SMARCC1: variants seen among roughly 807,000 people sequenced by gnomAD.
The protein encoded by SMARCC1 is SWI/SNF complex subunit SMARCC1.
In SMARCC1, 43 loss-of-function variants were observed where a neutral mutation model predicts 147.4. That is an observed-to-expected ratio of 0.29 (90% CI 0.23 to 0.38). SMARCC1 has a LOEUF of 0.38. SMARCC1 is among the 10% of genes least tolerant of loss of function. The probability of loss-of-function intolerance (pLI) is 1.00; values close to 1 mark genes in which losing one functional copy is unlikely to be tolerated. For missense variants in SMARCC1, 1,119 were observed against 1,381.1 expected, an observed-to-expected ratio of 0.81 and a Z score of 3.01; for synonymous variants, 495 against 484.4, an observed-to-expected ratio of 1.02 and a Z score of -0.29.
In SMARCC1 at chr3:47,654,741, A is replaced by G. The variant is rs151204224; in HGVS notation, c.2320+6553T>C. Among the ~76,000 whole-genome samples the G allele has an allele frequency of 4.6e-5, 7 of 152,304 alleles. No individual in the cohort carries two copies. In the East Asian group the frequency reaches 1.2e-3, roughly 25 times the overall value. ...GAAACCTGAGGAGGGTCCTGAAATT[A>G]TAACAACCCACTCTGAGGCGAATGA... On this transcript the variant is annotated intron_variant, in intron 21 of 27. Transcript: ENST00000254480.
At position 47,617,554 on chromosome 3, in the gene SMARCC1, C is replaced by T. The variant is rs543862034; in HGVS notation, c.2781+4653G>A. ...ACACTTACTATGTATGTGCTAGACA[C>T]TGTGCCAGGCATATGCCATACTTCT... On this transcript the variant is annotated intron_variant, in intron 25 of 27. Transcript: ENST00000254480. Among the ~76,000 whole-genome samples, 5 of 152,344 alleles carry T rather than the reference C, an allele frequency of 3.3e-5. No homozygotes were observed. In the East Asian group the frequency reaches 5.8e-4, roughly 18 times the overall value.
rs2033577804 is a variant in SMARCC1, at chr3:47,676,634, G to GTGA, written c.1717_1719dup (p.Ser573dup). ...AAAAGTCAACATTAATTTACCTGAG[G>GTGA]TGATCGAAGATGCAGAGGCACAAGC... On this transcript the variant is annotated inframe_insertion, in exon 17 of 28. Transcript: ENST00000254480. 2 of 1,613,426 alleles carry GTGA rather than the reference G, an allele frequency of 1.2e-6. No individual in the cohort carries two copies. Among genetic ancestry groups the GTGA allele is most frequent in the Non-Finnish European group, 8.5e-7 (1 of 1,179,638 alleles).
chr3:47,649,516 T>G (rs993633460), intron 21 of SMARCC1, among the ~76,000 whole-genome samples: 2 of 152,200 alleles, frequency 1.3e-5, no homozygotes, highest in East Asian at 3.8e-4. Context: ...TGGCTCAAGA[T>G]GTACTCATGG....
At chr3:47,748,380 AT>A (rs964376853) in intron 2 of SMARCC1, among the ~76,000 whole-genome samples, 44 of 151,758 alleles carry the variant, frequency 2.9e-4, no homozygotes, top group Non-Finnish European at 4.7e-4. Context: ...CGCCTGGCTA[AT>A]TTTTTTTCTG....
intron 4 of SMARCC1, 56 bp from the exon 5 acceptor site, chr3:47,736,182 T>C (rs1416447662): frequency 2.0e-6 from 2 of 990,986 alleles, no homozygotes; most frequent in Non-Finnish European, 3.1e-6. Flanking sequence ...TAATATCATA[T>C]TATTTATGCA....
At chr3:47,698,599 A>G (rs1033151968) in intron 11 of SMARCC1, among the ~76,000 whole-genome samples, 1 of 152,168 alleles carries the variant, frequency 6.6e-6, no homozygotes, top group Non-Finnish European at 1.5e-5. Context: ...AAAAATTTAC[A>G]CTGTCAGTAA....
At chr3:47,728,867 C>T (rs889586256) in intron 6 of SMARCC1, among the ~76,000 whole-genome samples, 158 bp downstream of exon 6, 6 of 152,148 alleles carry the variant, frequency 3.9e-5, no homozygotes, top group East Asian at 1.9e-4. Context: ...GCTGAGATCG[C>T]GCCACTGCAC....
At chr3:47,754,521 C>T (rs992035220) in intron 2 of SMARCC1, among the ~76,000 whole-genome samples, 60 of 152,026 alleles carry the variant, frequency 3.9e-4, no homozygotes, top group Non-Finnish European at 1.6e-4. Context: ...TCTTTTACAC[C>T]CATTTTACAG....
intron 3 of SMARCC1, among the ~76,000 whole-genome samples, chr3:47,739,185 A>G (rs1473792687): frequency 6.6e-6 from 1 of 152,220 alleles, no homozygotes; most frequent in Admixed American, 6.5e-5. Context: ...GTCTTGAGCA[A>G]TTTGTTAACC....
chr3:47,641,743 A>G (rs1184602905), intron 21 of SMARCC1, among the ~76,000 whole-genome samples: 1 of 152,248 alleles, frequency 6.6e-6, no homozygotes, highest in Non-Finnish European at 1.5e-5. Flanking sequence ...AGCATTTAGG[A>G]TAAAAATGAT....
At chr3:47,641,628 A>G (rs895349215) in intron 21 of SMARCC1, among the ~76,000 whole-genome samples, 1 of 152,258 alleles carries the variant, frequency 6.6e-6, no homozygotes, top group Non-Finnish European at 1.5e-5. Context: ...CTATAAAACT[A>G]CCATATAAAA....
At chr3:47,594,188 T>C (rs977802880) in intron 26 of SMARCC1, among the ~76,000 whole-genome samples, 36 of 148,504 alleles carry the variant, frequency 2.4e-4, no homozygotes, top group African/African-American at 8.9e-4. Context: ...GGAATTAGGG[T>C]AGTCCAGTCT....
chr3:47,609,411 G>A (rs975053832), intron 26 of SMARCC1, among the ~76,000 whole-genome samples: 16 of 152,018 alleles, frequency 1.1e-4, no homozygotes, highest in Non-Finnish European at 1.8e-4. Context: ...GCAGGAGAAT[G>A]GCATGAACCC....
intron 16 of SMARCC1, among the ~76,000 whole-genome samples, chr3:47,677,632 A>G (rs1349267536): frequency 6.6e-6 from 1 of 151,052 alleles, no homozygotes; most frequent in Non-Finnish European, 1.5e-5. Context: ...GCTCACTGCA[A>G]TCTCTGTCTC....
chr3:47,771,805 G>A (rs536128223), intron 2 of SMARCC1, among the ~76,000 whole-genome samples: 1 of 152,026 alleles, frequency 6.6e-6, no homozygotes, highest in Non-Finnish European at 1.5e-5. Context: ...ATAAAGGCTG[G>A]GTGTGGTGGC....
rs1378180759 is a variant in SMARCC1, at chr3:47,712,414, C to T, written c.793-1606G>A. 4.7e-5 allele frequency among the ~76,000 whole-genome samples: 7 copies of T among 147,598 alleles called. No homozygotes were observed. In the Admixed American group the frequency reaches 4.8e-4, roughly 10 times the overall value. On this transcript the variant is annotated intron_variant, in intron 8 of 27. Coordinates refer to ENST00000254480, the MANE Select transcript of SMARCC1 (RefSeq NM_003074.4). ...GAGAAACATGTGTATACATTGCTTC[C>T]TTTTTTTTTTAAAAGAGCTGAATTT...
At chr3:47,672,996 G>A (rs565163606) in intron 18 of SMARCC1, among the ~76,000 whole-genome samples, 10 of 151,856 alleles carry the variant, frequency 6.6e-5, no homozygotes, top group Non-Finnish European at 7.4e-5. Context: ...TGCCCAGCCC[G>A]TTTCCTCTCT....
intron 7 of SMARCC1, among the ~76,000 whole-genome samples, chr3:47,718,558 A>C (rs573029934): frequency 6.6e-5 from 10 of 152,154 alleles, no homozygotes; most frequent in South Asian, 6.2e-4. Context: ...GAAGAGGTTA[A>C]AAAAAAGTGG....
intron 19 of SMARCC1, 127 bp from the exon 20 acceptor site, chr3:47,662,719 G>T: frequency 1.3e-6 from 1 of 759,544 alleles, no homozygotes; most frequent in Non-Finnish European, 2.1e-6. Flanking sequence ...AGAAAGATTT[G>T]ATGGTTTCCT....
Sources: gnomAD v4.1 joint callset for allele counts (sites outside exome capture counted in the v4.1 genomes callset) on GRCh38, gnomAD v4.1.1 for gene constraint, MANE v1.5 for transcripts, NCBI Gene and HGNC (gene_info 2026-07-23, HGNC 2026-07-21) for gene names.